Variants in PPP2R3A observed in about 807,000 individuals in gnomAD.
The protein encoded by PPP2R3A is protein phosphatase 2 regulatory subunit B''alpha, also known as serine/threonine-protein phosphatase 2A regulatory subunit B'' subunit alpha.
Under a neutral mutation model 106.9 loss-of-function variants are expected in PPP2R3A, and 80 were observed. The ratio of observed to expected loss-of-function variants is 0.75; its 90% CI spans 0.62 to 0.90. The LOEUF (loss-of-function observed/expected upper bound fraction) is 0.90, where lower values mean the gene tolerates loss of function less well. Among genes scored for constraint, PPP2R3A ranks in the 40% least tolerant of loss-of-function variants. The pLI, the probability that PPP2R3A is intolerant of heterozygous loss-of-function variation, is 0.00. For missense variants in PPP2R3A, 1,386 were observed against 1,350.4 expected, an observed-to-expected ratio of 1.03 and a Z score of -0.41; for synonymous variants, 483 against 468.3, an observed-to-expected ratio of 1.03 and a Z score of -0.41.
At chr3:135,972,961 T>C (rs1937289902) in intron 1 of PPP2R3A, among the ~76,000 whole-genome samples, 1 of 152,224 alleles carries the variant, frequency 6.6e-6, no homozygotes, top group African/African-American at 2.4e-5. Context: ...TTGAATTTGT[T>C]TTTTCTTTGA....
chr3:136,049,298 C>T lies in PPP2R3A; in HGVS notation c.2406C>T (p.Ile802=). The T allele has an allele frequency of 1.9e-6, 3 of 1,613,790 alleles. No individual in the cohort carries two copies. The South Asian group carries it at 3.3e-5, about 18-fold the overall frequency. The change falls in exon 5 of 14, where the codon ATC becomes ATT. Residue 802 remains isoleucine (I), a synonymous_variant. Coordinates refer to ENST00000264977, the MANE Select transcript of PPP2R3A (RefSeq NM_002718.5). ...ATCATGATGATGCCTCTAAATTCAT[C>T]TGTCTTCTAGCAAAGCCCAACTGCA... is the stretch of plus-strand genomic sequence containing the variant. The part of the protein sequence containing the change: ...NNHHDDASKF[I]CLLAKPNCSS...
intron 13 of PPP2R3A, 151 bp from the exon 14 acceptor site, chr3:136,144,892 C>CTCCT (rs1311225717): frequency 1.5e-6 from 1 of 688,266 alleles, no homozygotes; most frequent in African/African-American, 1.8e-5. Context: ...AGAGTGTTGC[C>CTCCT]TCCTTCACGG....
At chr3:136,063,955 GAC>G (rs1446039062) in intron 5 of PPP2R3A, among the ~76,000 whole-genome samples, 2 of 149,994 alleles carry the variant, frequency 1.3e-5, no homozygotes, top group Non-Finnish European at 3.0e-5. Context: ...CTGCTATAAA[GAC>G]ACACGCACAT....
intron 13 of PPP2R3A, among the ~76,000 whole-genome samples, chr3:136,108,446 T>C (rs1937549506): frequency 6.6e-6 from 1 of 152,008 alleles, no homozygotes; most frequent in South Asian, 2.1e-4. Flanking sequence ...AAAAAAAGTA[T>C]CCAAAAGAAA....
At chr3:136,079,678 A>G (rs1936719679) in intron 7 of PPP2R3A, among the ~76,000 whole-genome samples, 1 of 151,584 alleles carries the variant, frequency 6.6e-6, no homozygotes, top group Non-Finnish European at 1.5e-5. Context: ...AAGTCCTGGG[A>G]TTACAAGCGT....
chr3:135,972,207 A>G (rs1937269196), intron 1 of PPP2R3A, among the ~76,000 whole-genome samples: 2 of 152,190 alleles, frequency 1.3e-5, no homozygotes, highest in South Asian at 2.1e-4. Context: ...AAGATTTCAT[A>G]TAAATGGAAT....
At chr3:136,125,651 A>G (rs944176301) in intron 13 of PPP2R3A, among the ~76,000 whole-genome samples, 2 of 152,228 alleles carry the variant, frequency 1.3e-5, no homozygotes, top group African/African-American at 4.8e-5. Flanking sequence ...GTTTGAGACC[A>G]GCCTGGGTAA....
chr3:136,106,926 C>CAAAAAAAAAA (rs36029618), intron 13 of PPP2R3A: 4 of 41,716 alleles, frequency 9.6e-5, no homozygotes, highest in African/African-American at 1.9e-4. Context: ...ACTCCGTCTC[C>CAAAAAAAAAA]AAAAAAAAAA....
intron 4 of PPP2R3A, among the ~76,000 whole-genome samples, chr3:136,045,717 C>G (rs553306875): frequency 6.6e-6 from 1 of 152,162 alleles, no homozygotes; most frequent in African/African-American, 2.4e-5. Flanking sequence ...GATCCCTCAC[C>G]CTTGACCTAC....
At chr3:136,116,636 A>C (rs1937773581) in intron 13 of PPP2R3A, among the ~76,000 whole-genome samples, 1 of 152,242 alleles carries the variant, frequency 6.6e-6, no homozygotes. Flanking sequence ...AGATCAAAAG[A>C]GACAAAGAAG....
At chr3:136,027,487 C>G (rs1934712023) in intron 3 of PPP2R3A, among the ~76,000 whole-genome samples, 1 of 152,084 alleles carries the variant, frequency 6.6e-6, no homozygotes, top group South Asian at 2.1e-4. Context: ...AAGCATTAGA[C>G]CATCTCAATA....
At chr3:135,992,427 TTTC>T (rs1349776082) in intron 1 of PPP2R3A, among the ~76,000 whole-genome samples, 1 of 152,212 alleles carries the variant, frequency 6.6e-6, no homozygotes, top group Non-Finnish European at 1.5e-5. Context: ...ATGTTGATCA[TTTC>T]TTCTTTAACC....
chr3:136,110,352 C>T (rs1937575491), intron 13 of PPP2R3A, among the ~76,000 whole-genome samples: 1 of 151,974 alleles, frequency 6.6e-6, no homozygotes, highest in Non-Finnish European at 1.5e-5. Flanking sequence ...GAGAATATCA[C>T]ACTCCTAAAC....
chr3:136,135,115 C>T (rs1353717617), intron 13 of PPP2R3A, among the ~76,000 whole-genome samples: 1 of 151,830 alleles, frequency 6.6e-6, no homozygotes, highest in Non-Finnish European at 1.5e-5. Context: ...AAAGAGGAGG[C>T]AGGGGGTTGC....
At chr3:136,061,499 G>A (rs924607336) in intron 5 of PPP2R3A, among the ~76,000 whole-genome samples, 3 of 152,106 alleles carry the variant, frequency 2.0e-5, no homozygotes, top group Admixed American at 6.5e-5. Context: ...GTGGTGGCAC[G>A]TACCTACAGT....
chr3:136,018,348 A>T (rs1038243335), intron 2 of PPP2R3A, among the ~76,000 whole-genome samples: 1 of 152,212 alleles, frequency 6.6e-6, no homozygotes, highest in Non-Finnish European at 1.5e-5. Flanking sequence ...CACAAATCAA[A>T]ATAAGAGACT....
chr3:135,973,769 C>G (rs1937314001), intron 1 of PPP2R3A, among the ~76,000 whole-genome samples: 2 of 152,188 alleles, frequency 1.3e-5, no homozygotes, highest in Admixed American at 6.5e-5. Flanking sequence ...TCACTTAGTT[C>G]AGTCAACAAA....
intron 5 of PPP2R3A, among the ~76,000 whole-genome samples, chr3:136,070,045 A>G (rs781595240): frequency 9.9e-5 from 15 of 152,148 alleles, no homozygotes; most frequent in Non-Finnish European, 1.6e-4. Flanking sequence ...TTTTTTTCCA[A>G]AAAGAATTTT....
chr3:136,008,056 G>C (rs548413060), intron 2 of PPP2R3A, among the ~76,000 whole-genome samples: 2 of 152,316 alleles, frequency 1.3e-5, no homozygotes, highest in African/African-American at 4.8e-5. Context: ...TGTTTAGATA[G>C]TATAGTGTAT....
Sources: allele counts gnomAD v4.1 joint callset (sites outside exome capture counted in the v4.1 genomes callset), GRCh38; gene constraint gnomAD v4.1.1; transcripts MANE v1.5; gene names NCBI Gene and HGNC (gene_info 2026-07-23, HGNC 2026-07-21).